MCFD2: variants seen among roughly 807,000 people sequenced by gnomAD.
MCFD2 encodes multiple coagulation factor deficiency 2, ER cargo receptor complex subunit, also known as multiple coagulation factor deficiency protein 2.
MCFD2 carries 11 observed loss-of-function variants against 12.8 expected under a neutral mutation model. The observed-to-expected ratio is 0.86, with a 90% CI of 0.54 to 1.42. The LOEUF is 1.42. Ranked by LOEUF, MCFD2 falls within the 40% of genes most tolerant of loss-of-function variation. MCFD2 has a pLI of 0.00. For missense variants in MCFD2, 191 were observed against 178.6 expected (o/e 1.07, Z -0.40); for synonymous variants, 70 against 68.1 (o/e 1.03, Z -0.14).
chr2:46,923,717 C>T (rs766034821), intron 1 of MCFD2, among the ~76,000 whole-genome samples: 7 of 152,030 alleles, frequency 4.6e-5, no homozygotes, highest in Non-Finnish European at 7.4e-5. Flanking sequence ...CATAGGAAGA[C>T]CCTGTCTCTA....
At chr2:46,939,696 C>T (rs1670172113) in intron 1 of MCFD2, among the ~76,000 whole-genome samples, 1 of 152,196 alleles carries the variant, frequency 6.6e-6, no homozygotes, top group African/African-American at 2.4e-5. Context: ...GGGCTGACTC[C>T]CAGGAATGCC....
chr2:46,933,282 T>A (rs1329278135), intron 1 of MCFD2, among the ~76,000 whole-genome samples: 1 of 152,214 alleles, frequency 6.6e-6, no homozygotes, highest in Non-Finnish European at 1.5e-5. Flanking sequence ...GATATTGGTA[T>A]CTCAATCATG....
At chr2:46,917,162 A>G, upstream of MCFD2, 1 of 695,242 alleles carries the variant, frequency 1.4e-6, no homozygotes. Flanking sequence ...ATAATCCCTA[A>G]TTTTTTTTTC....
chr2:46,936,042 G>C (rs1260773808), intron 1 of MCFD2, among the ~76,000 whole-genome samples: 1 of 152,150 alleles, frequency 6.6e-6, no homozygotes, highest in Admixed American at 6.5e-5. Flanking sequence ...AGTGAGCTAT[G>C]ATTGCACCAT....
chr2:46,932,100 A>G (rs1265573346), intron 1 of MCFD2, among the ~76,000 whole-genome samples: 1 of 152,156 alleles, frequency 6.6e-6, no homozygotes, highest in Non-Finnish European at 1.5e-5. Flanking sequence ...AATAGAAAAA[A>G]CTTCCTAAAT....
At chr2:46,927,060 T>G (rs1669420698) in intron 1 of MCFD2, among the ~76,000 whole-genome samples, 1 of 151,650 alleles carries the variant, frequency 6.6e-6, no homozygotes, top group Non-Finnish European at 1.5e-5. Flanking sequence ...GTATCTAGAA[T>G]GAAGAGAGAC....
intron 1 of MCFD2, among the ~76,000 whole-genome samples, chr2:46,935,843 G>A (rs1669949345): frequency 6.6e-6 from 1 of 152,068 alleles, no homozygotes; most frequent in African/African-American, 2.4e-5. Context: ...TAATCCTAGA[G>A]ACTAGGGAGG....
Position 46,941,125 on chromosome 2 carries a change from G to C in MCFD2, c.-8+447C>G, listed in dbSNP as rs1374041738. The C allele has an allele frequency of 2.0e-5, 3 of 148,126 alleles. No individual in the cohort carries two copies. Among genetic ancestry groups the C allele is most frequent in the Non-Finnish European group, 4.5e-5 (3 of 66,154 alleles). The allele number at this position is 148,126 out of a possible 1,614,324, so 9.2% of individuals were successfully genotyped here. On this transcript the variant is annotated intron_variant, in intron 1 of 2. Coordinates refer to the MCFD2 transcript ENST00000409147. This position sits in a 1 kb window ranked among gnomAD's most constrained non-coding sequence, Gnocchi z 4.2. The stretch of plus-strand genomic sequence containing the variant: ...TGCTGTGGCCGCGCTGGCAGCCAGC[G>C]AGCCCGGCTCGCCGAGGCCTCCCCA...
At chr2:46,919,953 T>A (rs369924621), upstream of MCFD2, among the ~76,000 whole-genome samples, 25 of 152,356 alleles carry the variant, frequency 1.6e-4, no homozygotes, top group East Asian at 1.9e-3. Flanking sequence ...CCCTTATTCA[T>A]ATTTCTGATA....
intron 1 of MCFD2, among the ~76,000 whole-genome samples, chr2:46,924,865 A>C (rs911905994): frequency 6.6e-6 from 1 of 152,220 alleles, no homozygotes; most frequent in Non-Finnish European, 1.5e-5. Flanking sequence ...GGGCTCAAGC[A>C]ATCTGCCTGC....
Position 46,908,282 on chromosome 2 carries a change from A to G in MCFD2, c.150-313T>C, listed in dbSNP as rs1417427315. Reference sequence around the variant, plus strand: ...TTTAAAACTTTTTTTTTTTTTTGAGACAGGGTCTCACTCTGCCACCCAGGC... The same window carrying G: ...TTTAAAACTTTTTTTTTTTTTTGAGGCAGGGTCTCACTCTGCCACCCAGGC... On this transcript the variant is annotated intron_variant, in intron 2 of 3. Coordinates refer to ENST00000319466, the MANE Select transcript of MCFD2 (RefSeq NM_139279.6). This position sits in a 1 kb window ranked among gnomAD's most constrained non-coding sequence, Gnocchi z 4.5. The G allele has an allele frequency of 1.0e-4, 38 of 373,406 alleles. No individual in the cohort carries two copies. In the Admixed American group the frequency reaches 1.5e-3, roughly 14 times the overall value. 23.1% of individuals were successfully genotyped at this position (373,406 alleles called of 1,614,324 possible). A position where few individuals can be genotyped will look rare whatever the true frequency, so the allele number is the denominator to read the frequency against.
upstream of MCFD2, chr2:46,917,153 T>G (rs1241344406): frequency 1.4e-6 from 1 of 700,556 alleles, no homozygotes; most frequent in Non-Finnish European, 2.6e-6. Flanking sequence ...AAAAATCCCA[T>G]AATCCCTAAT....
intron 1 of MCFD2, among the ~76,000 whole-genome samples, chr2:46,939,041 C>T (rs2103869381): frequency 6.6e-6 from 1 of 150,890 alleles, no homozygotes; most frequent in South Asian, 2.1e-4. Context: ...CTTTGCGGGC[C>T]AGGGTGGGAG....
At chr2:46,926,280 T>C (rs559008259) in intron 1 of MCFD2, among the ~76,000 whole-genome samples, 50 of 152,326 alleles carry the variant, frequency 3.3e-4, no homozygotes, top group African/African-American at 1.2e-3. Flanking sequence ...TTCCACACAC[T>C]GAGTATATGC....
At chr2:46,931,529 C>CAG (rs34529508) in intron 1 of MCFD2, among the ~76,000 whole-genome samples, 15,052 of 152,054 alleles carry the variant, frequency 0.099, 816 homozygotes, top group Middle Eastern at 0.12. Flanking sequence ...GGGTCAGAGT[C>CAG]AGAGTAGAGG....
At chr2:46,935,142 C>T (rs970816184) in intron 1 of MCFD2, among the ~76,000 whole-genome samples, 1 of 152,048 alleles carries the variant, frequency 6.6e-6, no homozygotes, top group East Asian at 1.9e-4. Context: ...TAGACCAACA[C>T]CCCTGAGAAG....
intron 1 of MCFD2, among the ~76,000 whole-genome samples, chr2:46,939,227 T>C (rs1670130479): frequency 6.6e-6 from 1 of 152,050 alleles, no homozygotes; most frequent in Admixed American, 6.5e-5. Flanking sequence ...CTACCCAAAA[T>C]TGTACAATAG....
intron 1 of MCFD2, among the ~76,000 whole-genome samples, chr2:46,922,718 T>G (rs975951218): frequency 2.6e-5 from 4 of 151,996 alleles, no homozygotes; most frequent in African/African-American, 9.7e-5. Context: ...GGAAGACATC[T>G]CTACCAAAAT....
rs753322644 is a variant in MCFD2, at chr2:46,907,776, G to T, written c.309+34C>A. 7 of 1,610,368 alleles carry T rather than the reference G, an allele frequency of 4.3e-6. No individual in the cohort carries two copies. In the South Asian group the frequency reaches 7.7e-5, roughly 18 times the overall value. On this transcript the variant is annotated intron_variant, in intron 3 of 3. Transcript: ENST00000319466. This position sits in a 1 kb window ranked among gnomAD's most constrained non-coding sequence, Gnocchi z 4.1. ...CAAATTAACAAAGGGAAGCCTTTCT[G>T]TGATACAGTCCCCCAAGCCACTGCC...
Sources: gnomAD v4.1 joint callset for allele counts (sites outside exome capture counted in the v4.1 genomes callset) on GRCh38, gnomAD v4.1.1 for gene constraint, Gnocchi (gnomAD v3.1) non-coding constraint, MANE v1.5 for transcripts, NCBI Gene and HGNC (gene_info 2026-07-23, HGNC 2026-07-21) for gene names.